Variants in RPL26 observed in about 807,000 individuals in gnomAD.
The protein encoded by RPL26 is ribosomal protein L26.
In RPL26, 1 loss-of-function variant was observed where a neutral mutation model predicts 16.2. The ratio of observed to expected loss-of-function variants is 0.06; its 90% CI spans 0.02 to 0.29. The LOEUF (loss-of-function observed/expected upper bound fraction) is 0.29, where lower values mean the gene tolerates loss of function less well. Among genes scored for constraint, RPL26 ranks in the 10% least tolerant of loss-of-function variants. The pLI, the probability that RPL26 is intolerant of heterozygous loss-of-function variation, is 1.00. For synonymous variants in RPL26, 55 were observed against 62.4 expected, an observed-to-expected ratio of 0.88 and a Z score of 0.56; for missense variants, 102 against 184.3, an observed-to-expected ratio of 0.55 and a Z score of 2.58.
At chr17:8,380,045 TA>T (rs1002347414) in intron 2 of RPL26, 109 bp from the exon 3 acceptor site, 72 of 935,488 alleles carry the variant, frequency 7.7e-5, no homozygotes, top group Admixed American at 1.6e-4. Flanking sequence ...ATTAAAAGGT[TA>T]AAAAAAAGAG....
At chr17:8,382,369 A>G in intron 1 of RPL26, 54 bp from the exon 2 acceptor site, 3 of 1,298,080 alleles carry the variant, frequency 2.3e-6, no homozygotes, top group Non-Finnish European at 3.3e-6. Flanking sequence ...TCCAGCTTCC[A>G]AACAAATAAC....
intron 3 of RPL26, 132 bp from the exon 4 acceptor site, chr17:8,377,824 T>C: frequency 1.3e-6 from 1 of 747,292 alleles, no homozygotes; most frequent in Non-Finnish European, 2.0e-6. Flanking sequence ...TTTTAACTTT[T>C]AAAAAACTCC....
At position 8,377,595 on chromosome 17, in the gene RPL26, T is replaced by A; in HGVS notation, c.407A>T (p.Lys136Met). 6.2e-7 allele frequency: 1 copy of A among 1,602,368 alleles called. No individual in the cohort carries two copies. Among genetic ancestry groups the A allele is most frequent in the Non-Finnish European group, 8.5e-7 (1 of 1,179,044 alleles). ...CTGCATCTTCTCAATGGTTTCTTCC[T>A]TGTATTTGCCCTTTTCCTTTCCTAC... ...RQVGKEKGKYKEETIEKMQE is the reference protein window; with the variant it reads ...RQVGKEKGKYMEETIEKMQE Residue 136 changes from lysine (K) to methionine (M), a missense_variant, in exon 4 of 4, where the codon AAG (lysine) becomes ATG (methionine). By Grantham distance (95) the Lys-to-Met change is moderately conservative (BLOSUM62 -1). Transcript: ENST00000648839.
chr17:8,382,520 G>A lies in RPL26; in HGVS notation c.-5-205C>T, dbSNP rs1907471229. On this transcript the variant is annotated intron_variant, in intron 1 of 3. Transcript: ENST00000648839. ...TTTTTGTTTTATTCGGGTGTTTTCT[G>A]TATATGTTTACGGACTAAAGACTTT... 3 of 520,566 alleles carry A rather than the reference G, an allele frequency of 5.8e-6. No individual in the cohort carries two copies. In the South Asian group the frequency reaches 6.9e-5, roughly 12 times the overall value. 32.2% of individuals were successfully genotyped at this position (520,566 alleles called of 1,614,324 possible).
At chr17:8,380,746 A>G (rs1367452620) in intron 2 of RPL26, 1 of 152,266 alleles carries the variant, frequency 6.6e-6, no homozygotes, top group Non-Finnish European at 1.5e-5. Context: ...CAGCAGTTAA[A>G]GAGAACTGAC....
chr17:8,379,194 C>A (rs1305760905), intron 3 of RPL26: 1 of 142,840 alleles, frequency 7.0e-6, no homozygotes, highest in East Asian at 2.0e-4. Flanking sequence ...TATTTTTTTT[C>A]TTTTTTTTTT....
At position 8,377,557 on chromosome 17, in the gene RPL26, G is replaced by C. The variant is rs1332230862; in HGVS notation, c.*7C>G. The C allele has an allele frequency of 7.0e-6, 11 of 1,581,160 alleles. No individual in the cohort carries two copies. The highest frequency in any genetic ancestry group is 4.5e-5 in the East Asian group (2 of 44,714). ...AGTTTTAATCAAAGCTTGTATATAAGATTACTTTATTCCTGCATCTTCTCA... is the reference window on the plus strand; with the variant it reads ...AGTTTTAATCAAAGCTTGTATATAACATTACTTTATTCCTGCATCTTCTCA... On this transcript the variant is annotated 3_prime_UTR_variant, in exon 4 of 4. Transcript: ENST00000648839.
intron 1 of RPL26, chr17:8,382,717 T>C (rs1206845934): frequency 3.3e-6 from 1 of 306,062 alleles, no homozygotes; most frequent in Non-Finnish European, 6.0e-6. Flanking sequence ...ACGTTCATCT[T>C]CTACAGGCTT....
At chr17:8,379,436 G>A (rs770996444) in intron 3 of RPL26, 48 of 312,998 alleles carry the variant, frequency 1.5e-4, no homozygotes, top group Non-Finnish European at 2.6e-4. Flanking sequence ...GCCGGGTGTA[G>A]TGGTGCACGC....
In RPL26 at chr17:8,382,314, G is replaced by A. The variant is rs1301220573; in HGVS notation, c.-4C>T. 3 of 1,605,682 alleles carry A rather than the reference G, an allele frequency of 1.9e-6. No homozygotes were observed. The highest frequency in any genetic ancestry group is 1.7e-4 in the Middle Eastern group (1 of 6,042). The stretch of plus-strand genomic sequence containing the variant: ...TCACAAAGGGATTAAACTTCATTTT[G>A]GCTAAATAAAAAGTTAAAAAGACTC... On this transcript the variant is annotated splice_region_variant and 5_prime_UTR_variant, in exon 2 of 4. Transcript: ENST00000648839.
chr17:8,383,014 C>T lies in RPL26; in HGVS notation c.-6+143G>A, dbSNP rs1907499824. On this transcript the variant is annotated intron_variant, in intron 1 of 3. Transcript: ENST00000648839. ...CCCGGCGGCCCTTGATTTAAGAAAGCAACAGATAAAAAACCATCCCAGTCT... is the reference window on the plus strand; with the variant it reads ...CCCGGCGGCCCTTGATTTAAGAAAGTAACAGATAAAAAACCATCCCAGTCT... 3 of 398,486 alleles carry T rather than the reference C, an allele frequency of 7.5e-6. No individual in the cohort carries two copies. The South Asian group carries it at 3.8e-4, about 51-fold the overall frequency. The allele number at this position is 398,486 out of a possible 1,614,324, so 24.7% of individuals were successfully genotyped here.
intron 1 of RPL26, 111 bp from the exon 2 acceptor site, chr17:8,382,426 ATGT>A: frequency 6.6e-6 from 5 of 754,576 alleles, no homozygotes; most frequent in Non-Finnish European, 1.1e-5. Flanking sequence ...AGGCAGTGTC[ATGT>A]TGTGCAACTT....
intron 3 of RPL26, 148 bp from the exon 4 acceptor site, chr17:8,377,840 T>C: frequency 1.5e-6 from 1 of 659,544 alleles, no homozygotes; most frequent in Non-Finnish European, 2.4e-6. Context: ...ACTCCAGAAA[T>C]CACTCTTTAG....
At chr17:8,383,120 G>C (rs558668460) in intron 1 of RPL26, 37 bp downstream of exon 1, 42 of 398,534 alleles carry the variant, frequency 1.1e-4, no homozygotes, top group Non-Finnish European at 1.8e-4. Flanking sequence ...AGAACGGATG[G>C]CTGCTGATTA....
Position 8,382,085 on chromosome 17 carries a change from T to A in RPL26, c.168+58A>T, listed in dbSNP as rs1597496258. 3.4e-6 allele frequency: 5 copies of A among 1,459,482 alleles called. No homozygotes were observed. The Admixed American group carries it at 8.6e-5, about 25-fold the overall frequency. The allele number at this position is 1,459,482 out of a possible 1,614,324, so 90.4% of individuals were successfully genotyped here. On this transcript the variant is annotated intron_variant, in intron 2 of 3. Coordinates refer to ENST00000648839, the MANE Select transcript of RPL26 (RefSeq NM_000987.5). ...TCTTTCTCAGGAATGCAATCTCTCTTCTAAGCTAAGTGCGTAAAATATCCA... is the reference window on the plus strand; with the variant it reads ...TCTTTCTCAGGAATGCAATCTCTCTACTAAGCTAAGTGCGTAAAATATCCA...
At chr17:8,381,903 T>TG (rs532413465) in intron 2 of RPL26, 56 of 346,440 alleles carry the variant, frequency 1.6e-4, no homozygotes, top group Admixed American at 1.4e-3. Context: ...CACTCCAGCC[T>TG]GGGGGGGACA....
At chr17:8,379,133 A>G (rs1393851186) in intron 3 of RPL26, 1 of 152,240 alleles carries the variant, frequency 6.6e-6, no homozygotes, top group African/African-American at 2.4e-5. Flanking sequence ...AGACTAGAAC[A>G]TATAGAATGG....
At chr17:8,378,262 G>GC (rs1390552702) in intron 3 of RPL26, among the ~76,000 whole-genome samples, 3 of 152,128 alleles carry the variant, frequency 2.0e-5, no homozygotes, top group African/African-American at 7.2e-5. Context: ...ACCCTGGGGG[G>GC]GCGGAGGCTG....
intron 2 of RPL26, chr17:8,381,905 G>T (rs1333938269): frequency 1.9e-5 from 7 of 362,586 alleles, no homozygotes; most frequent in Non-Finnish European, 3.5e-5. Flanking sequence ...CTCCAGCCTG[G>T]GGGGGACAAG....
Sources: gnomAD v4.1 joint callset for allele counts (sites outside exome capture counted in the v4.1 genomes callset) on GRCh38, gnomAD v4.1.1 for gene constraint, MANE v1.5 for transcripts, NCBI Gene and HGNC (gene_info 2026-07-23, HGNC 2026-07-21) for gene names.